Variants in ZNF385B observed in about 807,000 individuals in gnomAD.
The protein encoded by ZNF385B is zinc finger protein 533.
Under a neutral mutation model 39.2 loss-of-function variants are expected in ZNF385B, and 23 were observed. That is an observed-to-expected ratio of 0.59 (90% CI 0.42 to 0.83). The LOEUF (loss-of-function observed/expected upper bound fraction) is 0.83, where lower values mean the gene tolerates loss of function less well. Ranked by LOEUF, ZNF385B falls within the 40% of genes least tolerant of loss-of-function variation. The pLI is 0.00. For missense variants in ZNF385B, 552 were observed against 598.9 expected (o/e 0.92, Z 0.82); for synonymous variants, 205 against 222.6 (o/e 0.92, Z 0.70).
At chr2:179,602,246 C>T (rs1166576265) in intron 3 of ZNF385B, among the ~76,000 whole-genome samples, 1 of 152,186 alleles carries the variant, frequency 6.6e-6, no homozygotes, top group African/African-American at 2.4e-5. Context: ...AACTAAAACA[C>T]AACATGTATG....
chr2:179,536,556 A>AAGGTGATG (rs769646496), intron 4 of ZNF385B: 4 of 152,204 alleles, frequency 2.6e-5, no homozygotes, highest in Non-Finnish European at 4.4e-5. Flanking sequence ...TTACCTCATA[A>AAGGTGATG]AGGACCATCA....
At chr2:179,849,552 G>A (rs1178583897) in intron 1 of ZNF385B, among the ~76,000 whole-genome samples, 1 of 152,174 alleles carries the variant, frequency 6.6e-6, no homozygotes. Context: ...TAAGCAATTA[G>A]GATGTGATTA....
intron 4 of ZNF385B, chr2:179,536,478 A>C (rs545352871): frequency 6.6e-6 from 1 of 152,340 alleles, no homozygotes; most frequent in East Asian, 1.9e-4. Flanking sequence ...AAAGGGACAT[A>C]CAAGAGGACA....
intron 4 of ZNF385B, among the ~76,000 whole-genome samples, chr2:179,539,892 T>C (rs935546470): frequency 6.6e-6 from 1 of 152,226 alleles, no homozygotes; most frequent in Non-Finnish European, 1.5e-5. Context: ...ATTTTTTCCT[T>C]ATAAGTTTAT....
At chr2:179,695,757 T>G (rs1056127930) in intron 3 of ZNF385B, among the ~76,000 whole-genome samples, 1 of 152,194 alleles carries the variant, frequency 6.6e-6, no homozygotes, top group African/African-American at 2.4e-5. Context: ...TGCAAAATGA[T>G]GCAGCCACAG....
chr2:179,734,358 A>G (rs1026550439), intron 3 of ZNF385B, among the ~76,000 whole-genome samples: 1 of 152,186 alleles, frequency 6.6e-6, no homozygotes, highest in African/African-American at 2.4e-5. Flanking sequence ...TTATTACCAC[A>G]TTGCCCTGCA....
chr2:179,469,075 G>C (rs2052444945), intron 6 of ZNF385B, among the ~76,000 whole-genome samples: 1 of 152,222 alleles, frequency 6.6e-6, no homozygotes, highest in South Asian at 2.1e-4. Context: ...GAGAAAGTCT[G>C]TTGGCCATAG....
chr2:179,804,461 C>T (rs891918188), intron 1 of ZNF385B, among the ~76,000 whole-genome samples: 7 of 152,116 alleles, frequency 4.6e-5, no homozygotes, highest in African/African-American at 1.7e-4. Flanking sequence ...ATGGCATAAA[C>T]GTTTTCATGA....
chr2:179,635,499 T>C (rs1195685137), intron 3 of ZNF385B, among the ~76,000 whole-genome samples: 1 of 151,980 alleles, frequency 6.6e-6, no homozygotes, highest in Non-Finnish European at 1.5e-5. Context: ...AACCTGCATG[T>C]TATGCACATG....
chr2:179,718,263 A>T (rs529735041), intron 3 of ZNF385B, among the ~76,000 whole-genome samples: 52 of 151,434 alleles, frequency 3.4e-4, no homozygotes, highest in African/African-American at 1.0e-3. Context: ...TTGACACATC[A>T]ATAGTGAGAA....
At position 179,780,980 on chromosome 2, in the gene ZNF385B, G is replaced by T. The variant is rs555602467; in HGVS notation, c.-154-10308C>A. Among the ~76,000 whole-genome samples the T allele has an allele frequency of 3.9e-5, 6 of 152,082 alleles. No homozygotes were observed. In the South Asian group the frequency reaches 1.2e-3, roughly 32 times the overall value. ...AATGCCCAGTCAACAGATTAAACTG[G>T]GACTGCCCCAGGTAAAATGGAGCAT... On this transcript the variant is annotated intron_variant, in intron 1 of 9. Transcript: ENST00000410066.
intron 1 of ZNF385B, among the ~76,000 whole-genome samples, chr2:179,830,531 G>A (rs1019742462): frequency 1.3e-5 from 2 of 152,138 alleles, no homozygotes; most frequent in African/African-American, 4.8e-5. Context: ...ATATTATTCA[G>A]CAATAAAAAG....
intron 3 of ZNF385B, among the ~76,000 whole-genome samples, chr2:179,605,015 T>C (rs114404831): frequency 0.021 from 3,214 of 152,232 alleles, 111 homozygotes; most frequent in African/African-American, 0.074. Flanking sequence ...GGCTCCTTAT[T>C]TATTGAAAGT....
chr2:179,453,082 A>T (rs760602377), intron 6 of ZNF385B, among the ~76,000 whole-genome samples: 23 of 152,206 alleles, frequency 1.5e-4, no homozygotes, highest in Non-Finnish European at 2.9e-4. Context: ...TTTTTCACTT[A>T]GGAATAAATC....
intron 3 of ZNF385B, among the ~76,000 whole-genome samples, chr2:179,617,510 G>GA (rs947968113): frequency 2.0e-5 from 3 of 151,990 alleles, no homozygotes; most frequent in African/African-American, 7.2e-5. Context: ...CTTTTATATT[G>GA]AAAAAAAGCT....
chr2:179,559,537 T>G (rs1184001332), intron 3 of ZNF385B, among the ~76,000 whole-genome samples: 1 of 152,184 alleles, frequency 6.6e-6, no homozygotes, highest in Non-Finnish European at 1.5e-5. Context: ...ATGTTACTCT[T>G]GTACTATTAT....
At chr2:179,639,250 G>GGA (rs1227011635) in intron 3 of ZNF385B, among the ~76,000 whole-genome samples, 1 of 90,318 alleles carries the variant, frequency 1.1e-5, no homozygotes, top group Admixed American at 1.3e-4. Flanking sequence ...AAAAAAAAAA[G>GGA]GGGGAGAAAG....
At chr2:179,805,873 G>A (rs1323011044) in intron 1 of ZNF385B, among the ~76,000 whole-genome samples, 1 of 152,164 alleles carries the variant, frequency 6.6e-6, no homozygotes, top group Non-Finnish European at 1.5e-5. Flanking sequence ...AATAAATAGT[G>A]CTTGGACAAT....
At chr2:179,651,865 T>C (rs1255161958) in intron 3 of ZNF385B, among the ~76,000 whole-genome samples, 1 of 152,144 alleles carries the variant, frequency 6.6e-6, no homozygotes, top group African/African-American at 2.4e-5. Context: ...AAGATAGTGC[T>C]CCTAACGGAA....
Sources: gnomAD v4.1 joint callset for allele counts (sites outside exome capture counted in the v4.1 genomes callset) on GRCh38, gnomAD v4.1.1 for gene constraint, MANE v1.5 for transcripts, NCBI Gene and HGNC (gene_info 2026-07-23, HGNC 2026-07-21) for gene names.